The following ADORA2B variants were observed in gnomAD, a reference collection of about 807,000 sequenced individuals.
ADORA2B encodes the protein adenosine A2b receptor.
In ADORA2B, 18 loss-of-function variants were observed where a neutral mutation model predicts 20.8. That is an observed-to-expected ratio of 0.87 (90% CI 0.60 to 1.29). The LOEUF (loss-of-function observed/expected upper bound fraction) is 1.29. Among genes scored for constraint, ADORA2B ranks in the 50% most tolerant of loss-of-function variants. ADORA2B has a pLI of 0.00. For missense variants in ADORA2B, 441 were observed against 422.7 expected (o/e 1.04, Z -0.38); for synonymous variants, 179 against 178.3 (o/e 1.00, Z -0.03).
the ADORA2B span, among the ~76,000 whole-genome samples, chr17:15,877,165 G>A: frequency 0.013 from 1,908 of 152,120 alleles, 49 homozygotes; most frequent in African/African-American, 0.043. Context: ...TGTTCCCTCA[G>A]TTTTTTATAG....
At chr17:15,887,932 C>G in the ADORA2B span, among the ~76,000 whole-genome samples, 4 of 78,424 alleles carry the variant, frequency 5.1e-5, 1 homozygote, top group African/African-American at 2.5e-4. Context: ...GCCTGGGCGA[C>G]AGAGAGCCAA....
intron 1 of ADORA2B, 107 bp downstream of exon 1, chr17:15,945,690 T>A: frequency 9.0e-7 from 1 of 1,110,176 alleles, no homozygotes; most frequent in Non-Finnish European, 1.2e-6. Context: ...CGGGCCAGGC[T>A]GGGGGCGCGC....
intron 1 of ADORA2B, 35 bp downstream of exon 1, chr17:15,945,618 C>A (rs752946237): frequency 1.4e-6 from 2 of 1,437,388 alleles, no homozygotes; most frequent in East Asian, 2.6e-5. Flanking sequence ...CTCGGGGCCC[C>A]GTCGGAGCTC....
At chr17:15,877,732 C>G in the ADORA2B span, among the ~76,000 whole-genome samples, 2 of 152,038 alleles carry the variant, frequency 1.3e-5, no homozygotes, top group African/African-American at 4.8e-5. Context: ...GTGTCTGGAG[C>G]TTTGGCTGCT....
chr17:15,973,657 G>T (rs1378170719), intron 1 of ADORA2B, among the ~76,000 whole-genome samples: 1 of 152,172 alleles, frequency 6.6e-6, no homozygotes, highest in African/African-American at 2.4e-5. Flanking sequence ...CTCCTTATGA[G>T]AATCTAATGC....
chr17:15,916,128 C>A, the ADORA2B span, among the ~76,000 whole-genome samples: 2,596 of 152,190 alleles, frequency 0.017, 86 homozygotes, highest in African/African-American at 0.059. Context: ...TGCCTGCTTA[C>A]GAACAGGCGA....
the ADORA2B span, among the ~76,000 whole-genome samples, chr17:15,861,816 C>T: frequency 6.6e-6 from 1 of 152,214 alleles, no homozygotes. Context: ...TGTCTTCCTG[C>T]TTCTTCATGT....
At chr17:15,901,630 A>G in the ADORA2B span, among the ~76,000 whole-genome samples, 1 of 152,296 alleles carries the variant, frequency 6.6e-6, no homozygotes, top group East Asian at 1.9e-4. Flanking sequence ...TACAGGGGGA[A>G]ACTGAGGCAC....
chr17:15,958,647 C>T (rs560294680), intron 1 of ADORA2B, among the ~76,000 whole-genome samples: 1 of 152,168 alleles, frequency 6.6e-6, no homozygotes, highest in Non-Finnish European at 1.5e-5. Context: ...GGACCCCTCT[C>T]AATTCCTGAG....
upstream of ADORA2B, among the ~76,000 whole-genome samples, chr17:15,940,423 T>G (rs1969733734): frequency 6.6e-6 from 1 of 152,182 alleles, no homozygotes; most frequent in Non-Finnish European, 1.5e-5. Flanking sequence ...AAGTAGAACG[T>G]TGAGGTACAG....
chr17:15,925,825 G>C, the ADORA2B span, among the ~76,000 whole-genome samples: 4 of 152,062 alleles, frequency 2.6e-5, no homozygotes, highest in Non-Finnish European at 4.4e-5. Flanking sequence ...AAAAAAATTA[G>C]CCAGGTGTGG....
chr17:15,909,269 A>G, the ADORA2B span, among the ~76,000 whole-genome samples: 43 of 152,136 alleles, frequency 2.8e-4, no homozygotes, highest in Non-Finnish European at 4.7e-4. Flanking sequence ...TATCCAAAAA[A>G]CACACAAAAA....
the ADORA2B span, among the ~76,000 whole-genome samples, chr17:15,907,942 A>G: frequency 6.6e-6 from 1 of 152,268 alleles, no homozygotes; most frequent in Non-Finnish European, 1.5e-5. Context: ...ACAATGGCAC[A>G]GCAGCACGGG....
chr17:15,854,928 T>A, the ADORA2B span, among the ~76,000 whole-genome samples: 1 of 64,426 alleles, frequency 1.6e-5, no homozygotes, highest in Admixed American at 1.4e-4. Context: ...ATTTAACTCT[T>A]TTTTTTTTTT....
At chr17:15,850,556 C>T in the ADORA2B span, 4 of 159,460 alleles carry the variant, frequency 2.5e-5, no homozygotes, top group Middle Eastern at 9.7e-3. Flanking sequence ...ATGTTCCCAT[C>T]TCTTTTCTTG....
rs754123009 is a variant in ADORA2B, at chr17:15,974,749, A to T, written c.406A>T (p.Ile136Phe). Residue 136 changes from isoleucine (I) to phenylalanine (F), a missense_variant, in exon 2 of 2, where the codon ATC becomes TTC. Physicochemically the swap from Ile to Phe is conservative, Grantham distance 21. Coordinates refer to ENST00000304222, the MANE Select transcript of ADORA2B (RefSeq NM_000676.4). The part of the protein sequence containing the change: ...IAVLWVLAFG[I>F]GLTPFLGWNS... Reference sequence around the variant, plus strand: ...TGTCCTCTGGGTCCTTGCCTTTGGCATCGGATTGACTCCATTCCTGGGGTG... The same window carrying T: ...TGTCCTCTGGGTCCTTGCCTTTGGCTTCGGATTGACTCCATTCCTGGGGTG... 3 of 1,614,202 alleles carry T rather than the reference A, an allele frequency of 1.9e-6. No homozygotes were observed. Among genetic ancestry groups the T allele is most frequent in the Non-Finnish European group, 2.5e-6 (3 of 1,180,030 alleles).
At chr17:15,968,967 T>C (rs1970153306) in intron 1 of ADORA2B, among the ~76,000 whole-genome samples, 1 of 152,092 alleles carries the variant, frequency 6.6e-6, no homozygotes, top group African/African-American at 2.4e-5. Flanking sequence ...CTGATAACTT[T>C]CTCCATCCTT....
At chr17:15,892,269 A>T in the ADORA2B span, among the ~76,000 whole-genome samples, 2 of 151,994 alleles carry the variant, frequency 1.3e-5, no homozygotes, top group East Asian at 3.9e-4. Flanking sequence ...CCCAGGGTCA[A>T]GCGATTCTCC....
chr17:15,897,691 A>G, the ADORA2B span, among the ~76,000 whole-genome samples: 1 of 152,230 alleles, frequency 6.6e-6, no homozygotes, highest in African/African-American at 2.4e-5. Flanking sequence ...TCCAATAGAC[A>G]TTTTAAAAGA....
Sources: gnomAD v4.1 joint callset for allele counts (sites outside exome capture counted in the v4.1 genomes callset) on GRCh38, gnomAD v4.1.1 for gene constraint, MANE v1.5 for transcripts, NCBI Gene and HGNC (gene_info 2026-07-23, HGNC 2026-07-21) for gene names.